CDH18: variants seen among roughly 807,000 people sequenced by gnomAD.
The protein encoded by CDH18 is cadherin 18, also known as cadherin-18.
Under a neutral mutation model 67.9 loss-of-function variants are expected in CDH18, and 31 were observed. The observed-to-expected ratio is 0.46, with a 90% CI of 0.34 to 0.62. The LOEUF (loss-of-function observed/expected upper bound fraction) is 0.62. CDH18 is among the 20% of genes least tolerant of loss of function. The probability of loss-of-function intolerance (pLI) is 0.01; values close to 1 mark genes in which losing one functional copy is unlikely to be tolerated. For missense variants in CDH18, 890 were observed against 975.5 expected (o/e 0.91, Z 1.17); for synonymous variants, 362 against 347.2 (o/e 1.04, Z -0.48).
In CDH18 at chr5:20,428,442, A is replaced by T. The variant is rs554424040; in HGVS notation, c.-580+147020T>A. 5.3e-5 allele frequency among the ~76,000 whole-genome samples: 8 copies of T among 152,194 alleles called. No homozygotes were observed. In the South Asian group the frequency reaches 1.5e-3, roughly 28 times the overall value. On this transcript the variant is annotated intron_variant, in intron 1 of 14. Coordinates refer to the CDH18 transcript ENST00000507958. Reference sequence around the variant, plus strand: ...GTCTTTATAGTAGAATGATTTATAAACCTTTGGGTATAAACCCAGTAATGG... The same window carrying T: ...GTCTTTATAGTAGAATGATTTATAATCCTTTGGGTATAAACCCAGTAATGG...
At chr5:20,406,354 G>C (rs895738265) in intron 1 of CDH18, among the ~76,000 whole-genome samples, 1 of 151,694 alleles carries the variant, frequency 6.6e-6, no homozygotes, top group Non-Finnish European at 1.5e-5. Context: ...AACACCGCAT[G>C]TTCTCACTCA....
intron 11 of CDH18, among the ~76,000 whole-genome samples, chr5:19,483,852 G>A (rs891990790): frequency 6.6e-6 from 1 of 152,200 alleles, no homozygotes; most frequent in African/African-American, 2.4e-5. Context: ...TTAAAGGGAT[G>A]CGGACGGCCT....
intron 3 of CDH18, among the ~76,000 whole-genome samples, chr5:19,764,543 G>A (rs1384430046): frequency 6.6e-6 from 1 of 151,732 alleles, no homozygotes; most frequent in Non-Finnish European, 1.5e-5. Flanking sequence ...GGAAGGTAGA[G>A]AAGAAAACTA....
At chr5:19,549,241 C>A (rs903870966) in intron 8 of CDH18, among the ~76,000 whole-genome samples, 1 of 152,124 alleles carries the variant, frequency 6.6e-6, no homozygotes, top group African/African-American at 2.4e-5. Context: ...TGAATTCTCA[C>A]TCTCAGTAGT....
intron 4 of CDH18, among the ~76,000 whole-genome samples, chr5:19,743,701 A>C (rs115175114): frequency 0.011 from 1,703 of 152,274 alleles, 31 homozygotes; most frequent in African/African-American, 0.039. Context: ...AGGGCGGATC[A>C]TTTGAGACCA....
intron 2 of CDH18, among the ~76,000 whole-genome samples, chr5:19,872,819 C>G (rs1315710832): frequency 6.6e-6 from 1 of 152,104 alleles, no homozygotes; most frequent in East Asian, 1.9e-4. Context: ...TTAATATATG[C>G]CCAATCCCTC....
At chr5:19,789,956 T>A (rs547762222) in intron 3 of CDH18, among the ~76,000 whole-genome samples, 46 of 152,084 alleles carry the variant, frequency 3.0e-4, no homozygotes, top group African/African-American at 1.0e-3. Context: ...GTTTTATATA[T>A]CACAAGTAAA....
chr5:20,293,241 C>A (rs1747238158), intron 1 of CDH18, among the ~76,000 whole-genome samples: 1 of 152,074 alleles, frequency 6.6e-6, no homozygotes, highest in African/African-American at 2.4e-5. Context: ...TGCTTGAACC[C>A]AGGAGGCGGA....
chr5:19,959,076 GA>G (rs1373929895), intron 2 of CDH18, among the ~76,000 whole-genome samples: 1 of 151,944 alleles, frequency 6.6e-6, no homozygotes, highest in East Asian at 1.9e-4. Context: ...GAGAAACAAA[GA>G]AAGATATTTG....
chr5:19,989,437 A>G (rs1799854094), upstream of CDH18, among the ~76,000 whole-genome samples: 1 of 152,148 alleles, frequency 6.6e-6, no homozygotes, highest in Non-Finnish European at 1.5e-5. Context: ...GCTGGGACAT[A>G]CCTTTACATG....
At chr5:20,159,883 T>G (rs1211699095) in intron 2 of CDH18, among the ~76,000 whole-genome samples, 1 of 152,170 alleles carries the variant, frequency 6.6e-6, no homozygotes, top group Non-Finnish European at 1.5e-5. Context: ...CCTGAGGAGA[T>G]ACATAAAGCA....
intron 1 of CDH18, among the ~76,000 whole-genome samples, chr5:20,360,193 A>G (rs1355133608): frequency 6.9e-6 from 1 of 145,340 alleles, no homozygotes; most frequent in Non-Finnish European, 1.5e-5. Flanking sequence ...TAAACATTAG[A>G]CTAATAACAC....
chr5:20,495,474 A>G (rs1254226951), intron 1 of CDH18, among the ~76,000 whole-genome samples: 1 of 152,172 alleles, frequency 6.6e-6, no homozygotes, highest in Non-Finnish European at 1.5e-5. Context: ...TATAGTAATG[A>G]CAGCCTATTC....
intron 2 of CDH18, among the ~76,000 whole-genome samples, chr5:19,889,053 C>A (rs1340110107): frequency 1.3e-5 from 2 of 152,022 alleles, no homozygotes; most frequent in African/African-American, 2.4e-5. Flanking sequence ...TACTTCAAAT[C>A]ATCATTAGAT....
chr5:20,477,569 A>G (rs1407897771), intron 1 of CDH18, among the ~76,000 whole-genome samples: 1 of 152,202 alleles, frequency 6.6e-6, no homozygotes, highest in East Asian at 1.9e-4. Flanking sequence ...GATAGAGCCC[A>G]TGGAGGGAGC....
intron 5 of CDH18, among the ~76,000 whole-genome samples, chr5:19,673,438 T>C (rs62351319): frequency 0.2 from 30,780 of 151,924 alleles, 3,717 homozygotes; most frequent in Non-Finnish European, 0.26. Context: ...TATCTGATTT[T>C]AAGCTTTCTT....
At chr5:20,016,480 G>T (rs1005560558) in intron 2 of CDH18, among the ~76,000 whole-genome samples, 2 of 152,056 alleles carry the variant, frequency 1.3e-5, no homozygotes, top group Admixed American at 6.6e-5. Flanking sequence ...TTCAGAAAAA[G>T]AAAATAAAAT....
intron 2 of CDH18, among the ~76,000 whole-genome samples, chr5:20,112,380 A>G (rs1463259408): frequency 6.6e-6 from 1 of 152,220 alleles, no homozygotes; most frequent in Admixed American, 6.5e-5. Flanking sequence ...AGCAAGGGAC[A>G]CAGTAAAATT....
intron 1 of CDH18, among the ~76,000 whole-genome samples, chr5:20,402,304 T>TG (rs1402135115): frequency 3.3e-5 from 5 of 152,202 alleles, no homozygotes; most frequent in Non-Finnish European, 5.9e-5. Context: ...CTTACTCTAC[T>TG]GGATAGAATA....
Sources: allele counts gnomAD v4.1 joint callset (sites outside exome capture counted in the v4.1 genomes callset), GRCh38; gene constraint gnomAD v4.1.1; transcripts MANE v1.5; gene names NCBI Gene and HGNC (gene_info 2026-07-23, HGNC 2026-07-21).